Variants in TMEM65 observed in about 807,000 individuals in gnomAD.
TMEM65 encodes the protein transmembrane protein 65.
TMEM65 carries 22 observed loss-of-function variants against 25.4 expected under a neutral mutation model. The ratio of observed to expected loss-of-function variants is 0.86; its 90% confidence interval spans 0.62 to 1.23. TMEM65 has a LOEUF of 1.23. TMEM65 is among the 50% of genes most tolerant of loss of function. The probability of loss-of-function intolerance (pLI) is 0.00; values close to 1 mark genes in which losing one functional copy is unlikely to be tolerated. For synonymous variants in TMEM65, 132 were observed against 126.2 expected, an observed-to-expected ratio of 1.05 and a Z score of -0.31; for missense variants, 262 against 308.2, an observed-to-expected ratio of 0.85 and a Z score of 1.12.
At chr8:124,338,091 G>A (rs1055229288) in intron 1 of TMEM65, among the ~76,000 whole-genome samples, 13 of 151,896 alleles carry the variant, frequency 8.6e-5, no homozygotes, top group African/African-American at 1.7e-4. Flanking sequence ...ATGTTTTGAC[G>A]TATTGTCCTT....
chr8:124,353,481 A>G (rs72711178), intron 1 of TMEM65, among the ~76,000 whole-genome samples: 1,979 of 152,160 alleles, frequency 0.013, 49 homozygotes, highest in East Asian at 0.1. Context: ...GCTTTTATAT[A>G]TAAATACATA....
chr8:124,308,739 G>A lies in TMEM65; in HGVS notation c.*5221C>T, dbSNP rs1814123290. 1 of 152,112 alleles carries A rather than the reference G, an allele frequency of 6.6e-6. No individual in the cohort carries two copies. Among genetic ancestry groups the A allele is most frequent in the Non-Finnish European group, 1.5e-5 (1 of 68,042 alleles). 9.4% of individuals were successfully genotyped at this position (152,112 alleles called of 1,614,324 possible). ...AGGAAGACATTTAGAAGCAGTGCCA[G>A]AAAACAAATCAACATTAGACAATCT... is the stretch of plus-strand genomic sequence containing the variant. On this transcript the variant is annotated 3_prime_UTR_variant, in exon 7 of 7. Transcript: ENST00000297632.
intron 6 of TMEM65, among the ~76,000 whole-genome samples, chr8:124,316,512 T>C (rs868423954): frequency 6.6e-6 from 1 of 152,088 alleles, no homozygotes. Flanking sequence ...GAGTAGAAGA[T>C]TTGATTCTAA....
At position 124,331,787 on chromosome 8, in the gene TMEM65, A is replaced by T. The variant is rs535272869; in HGVS notation, c.305-995T>A. Among the ~76,000 whole-genome samples, 7 of 152,120 alleles carry T rather than the reference A, an allele frequency of 4.6e-5. No homozygotes were observed. The South Asian group carries it at 1.4e-3, about 32-fold the overall frequency. The stretch of plus-strand genomic sequence containing the variant: ...ACAACCAGATTATCCAAAGAAACGC[A>T]TTACAAACTAGATGTACATCTTCAA... On this transcript the variant is annotated intron_variant, in intron 1 of 6. Coordinates refer to ENST00000297632, the MANE Select transcript of TMEM65 (RefSeq NM_194291.3).
chr8:124,357,401 C>T (rs768185733), intron 1 of TMEM65, among the ~76,000 whole-genome samples: 8 of 152,068 alleles, frequency 5.3e-5, no homozygotes, highest in East Asian at 1.9e-4. Context: ...AAAAGTCATT[C>T]GAGTTAGGAA....
At chr8:124,315,318 T>G (rs1285210545) in intron 6 of TMEM65, among the ~76,000 whole-genome samples, 1 of 150,320 alleles carries the variant, frequency 6.7e-6, no homozygotes, top group Non-Finnish European at 1.5e-5. Context: ...CCTACAGTTT[T>G]TTTTTTGTTT....
Position 124,322,099 on chromosome 8 carries a change from A to G in TMEM65, c.515+6T>C, listed in dbSNP as rs758079683. On this transcript the variant is annotated splice_donor_region_variant and intron_variant, in intron 5 of 6. Coordinates refer to ENST00000297632, the MANE Select transcript of TMEM65 (RefSeq NM_194291.3). ...AATATACAAATGAATAAGTGAATGA[A>G]CCTACCCAAGTCCAGCTAGATCTGA... 1.2e-6 allele frequency: 2 copies of G among 1,605,888 alleles called. No individual in the cohort carries two copies. Among genetic ancestry groups the G allele is most frequent in the East Asian group, 2.2e-5 (1 of 44,494 alleles).
At chr8:124,347,277 T>C (rs1200681011) in intron 1 of TMEM65, among the ~76,000 whole-genome samples, 1 of 152,216 alleles carries the variant, frequency 6.6e-6, no homozygotes, top group African/African-American at 2.4e-5. Flanking sequence ...TCTAAATATA[T>C]ATGTCTTACG....
In TMEM65 at chr8:124,324,892, G is replaced by A. The variant is rs557342019; in HGVS notation, c.418-1517C>T. ...TAATAGTTGTCTTAAAGTTATACCTGGTTCATTATCCTTAATACAATTAAT... is the reference window on the plus strand; with the variant it reads ...TAATAGTTGTCTTAAAGTTATACCTAGTTCATTATCCTTAATACAATTAAT... On this transcript the variant is annotated intron_variant, in intron 3 of 6. Transcript: ENST00000297632. 1.3e-4 allele frequency among the ~76,000 whole-genome samples: 20 copies of A among 151,902 alleles called. No individual in the cohort carries two copies. In the East Asian group the frequency reaches 3.9e-3, roughly 29 times the overall value.
chr8:124,369,496 A>C (rs1275614101), intron 1 of TMEM65, among the ~76,000 whole-genome samples: 2 of 152,242 alleles, frequency 1.3e-5, no homozygotes, highest in Non-Finnish European at 2.9e-5. Context: ...AAGACACACA[A>C]GATTGCCTAT....
At chr8:124,328,144 G>A (rs1227190211) in intron 2 of TMEM65, among the ~76,000 whole-genome samples, 2 of 152,050 alleles carry the variant, frequency 1.3e-5, no homozygotes, top group Non-Finnish European at 2.9e-5. Flanking sequence ...ACTAGGTCAC[G>A]CCTGTAATCC....
intron 4 of TMEM65, among the ~76,000 whole-genome samples, 191 bp from the exon 5 acceptor site, chr8:124,322,338 T>A (rs1814314051): frequency 6.6e-6 from 1 of 152,202 alleles, no homozygotes; most frequent in African/African-American, 2.4e-5. Context: ...ATTATGCTAT[T>A]CTACCTCCAT....
chr8:124,359,776 T>C (rs1814836667), intron 1 of TMEM65, among the ~76,000 whole-genome samples: 2 of 151,342 alleles, frequency 1.3e-5, no homozygotes, highest in Admixed American at 6.6e-5. Flanking sequence ...AAAGGGCAAA[T>C]AAAAAGCTTA....
intron 1 of TMEM65, among the ~76,000 whole-genome samples, chr8:124,354,074 A>C (rs763891424): frequency 4.6e-5 from 7 of 152,140 alleles, no homozygotes; most frequent in African/African-American, 7.2e-5. Flanking sequence ...CATAACTGAA[A>C]TATATTCATG....
At position 124,313,104 on chromosome 8, in the gene TMEM65, C is replaced by T. The variant is rs1001080519; in HGVS notation, c.*856G>A. On this transcript the variant is annotated 3_prime_UTR_variant, in exon 7 of 7. Coordinates refer to ENST00000297632, the MANE Select transcript of TMEM65 (RefSeq NM_194291.3). The stretch of plus-strand genomic sequence containing the variant: ...ATTTTCCACCTTTTTTTAAAAAAAG[C>T]TTTAGTCTCTTAATTTCCAAGCATC... 12 of 151,650 alleles carry T rather than the reference C, an allele frequency of 7.9e-5. No homozygotes were observed. The highest frequency in any genetic ancestry group is 2.7e-4 in the African/African-American group (11 of 41,376). 9.4% of individuals were successfully genotyped at this position (151,650 alleles called of 1,614,324 possible). A position where few individuals can be genotyped will look rare whatever the true frequency, so the allele number is the denominator to read the frequency against.
intron 6 of TMEM65, among the ~76,000 whole-genome samples, chr8:124,318,014 G>GA (rs1040199887): frequency 2.3e-4 from 35 of 152,156 alleles, no homozygotes; most frequent in African/African-American, 7.2e-4. Flanking sequence ...AAAAATCACA[G>GA]AAAAAATCTC....
intron 1 of TMEM65, among the ~76,000 whole-genome samples, chr8:124,367,580 T>C (rs547635398): frequency 1.3e-5 from 2 of 152,220 alleles, no homozygotes; most frequent in Non-Finnish European, 2.9e-5. Context: ...AGATCTCTAG[T>C]GAACAGGGAT....
At position 124,372,509 on chromosome 8, in the gene TMEM65, TGTCA is replaced by T. The variant is rs1815034919; in HGVS notation, c.-356_-353del. 6.4e-6 allele frequency: 1 copy of T among 155,960 alleles called. No homozygotes were observed. The highest frequency in any genetic ancestry group is 1.4e-5 in the Non-Finnish European group (1 of 70,164). 9.7% of individuals were successfully genotyped at this position (155,960 alleles called of 1,614,324 possible). ...GGCGGGGCGGGCTAGTGTGTGTCTC[TGTCA>T]GTCTGATCTTCCAGAGGATGAGTCA... On this transcript the variant is annotated 5_prime_UTR_variant, in exon 1 of 7. Transcript: ENST00000297632.
chr8:124,327,671 AACACACACACACACACAC>A (rs71289656), intron 2 of TMEM65, among the ~76,000 whole-genome samples: 1 of 148,610 alleles, frequency 6.7e-6, no homozygotes, highest in Non-Finnish European at 1.5e-5. Flanking sequence ...TCTTACTGGT[AACACACACACACACACAC>A]ACACACACAC....
Sources: allele counts gnomAD v4.1 joint callset (sites outside exome capture counted in the v4.1 genomes callset), GRCh38; gene constraint gnomAD v4.1.1; transcripts MANE v1.5; gene names NCBI Gene and HGNC (gene_info 2026-07-23, HGNC 2026-07-21).